RASEF: variants seen among roughly 807,000 people sequenced by gnomAD.
RASEF encodes ras and EF-hand domain-containing protein.
A neutral mutation model predicts 90.1 loss-of-function variants in RASEF; 68 were observed. That is an observed-to-expected ratio of 0.75 (90% CI 0.62 to 0.92). The LOEUF (loss-of-function observed/expected upper bound fraction) is 0.92, where lower values mean the gene tolerates loss of function less well. Ranked by LOEUF, RASEF falls within the 40% of genes least tolerant of loss-of-function variation. The pLI is 0.00. For synonymous variants in RASEF, 331 were observed against 345.2 expected, an observed-to-expected ratio of 0.96 and a Z score of 0.46; for missense variants, 949 against 937.2, an observed-to-expected ratio of 1.01 and a Z score of -0.16.
At chr9:82,987,505 C>T (rs770772597) in intron 16 of RASEF, among the ~76,000 whole-genome samples, 9 of 152,254 alleles carry the variant, frequency 5.9e-5, no homozygotes, top group African/African-American at 1.9e-4. Flanking sequence ...AAGCTAGTGT[C>T]GAAGCTTCAT....
At chr9:83,152,980 G>A in the RASEF span, among the ~76,000 whole-genome samples, 2 of 152,136 alleles carry the variant, frequency 1.3e-5, no homozygotes, top group Non-Finnish European at 2.9e-5. Flanking sequence ...GTATGGCAAT[G>A]TCTTCTACTC....
At chr9:83,218,142 A>T in the RASEF span, among the ~76,000 whole-genome samples, 534 of 152,298 alleles carry the variant, frequency 3.5e-3, 2 homozygotes, top group African/African-American at 0.012. Context: ...GATTAATAGG[A>T]GTGGGTGAAA....
At chr9:83,143,386 CAAAT>C in the RASEF span, among the ~76,000 whole-genome samples, 1 of 151,840 alleles carries the variant, frequency 6.6e-6, no homozygotes, top group African/African-American at 2.4e-5. Flanking sequence ...CAAGGAAAAA[CAAAT>C]AACCCCATTA....
At chr9:83,195,250 T>C in the RASEF span, among the ~76,000 whole-genome samples, 1 of 152,198 alleles carries the variant, frequency 6.6e-6, no homozygotes, top group Non-Finnish European at 1.5e-5. Flanking sequence ...TGGGAGGTAG[T>C]GTGAATTACC....
chr9:83,009,461 T>TA lies in RASEF; in HGVS notation c.959+179dup, dbSNP rs201586739. 8.5e-3 allele frequency among the ~76,000 whole-genome samples: 1,292 copies of TA among 152,242 alleles called. 21 individuals carry two copies. Among genetic ancestry groups the TA allele is most frequent in the African/African-American group, 0.029 (1,223 of 41,552 alleles). On this transcript the variant is annotated intron_variant, in intron 6 of 16. Transcript: ENST00000376447. Reference sequence around the variant, plus strand: ...ACAGACAATAATTATTCTATTTGCTTAAAAAATTAAAAACATAAAAAACAC... The same window carrying TA: ...ACAGACAATAATTATTCTATTTGCTTAAAAAAATTAAAAACATAAAAAACAC...
the RASEF span, among the ~76,000 whole-genome samples, chr9:83,185,490 C>A: frequency 6.6e-6 from 1 of 151,876 alleles, no homozygotes; most frequent in African/African-American, 2.4e-5. Context: ...GAAGCACAGT[C>A]AATTATCAAT....
At chr9:83,165,266 T>C in the RASEF span, among the ~76,000 whole-genome samples, 1 of 152,070 alleles carries the variant, frequency 6.6e-6, no homozygotes, top group Non-Finnish European at 1.5e-5. Flanking sequence ...CCATAGAACA[T>C]ACCTTAATAC....
At chr9:83,146,950 G>A in the RASEF span, among the ~76,000 whole-genome samples, 1 of 151,430 alleles carries the variant, frequency 6.6e-6, no homozygotes, top group African/African-American at 2.4e-5. Flanking sequence ...ACTATGCTCT[G>A]TACCTCCCAG....
At chr9:83,043,397 T>TGG (rs33937452) in intron 1 of RASEF, among the ~76,000 whole-genome samples, 5,069 of 118,912 alleles carry the variant, frequency 0.043, 121 homozygotes, top group South Asian at 0.14. Flanking sequence ...CTGCAGTGAT[T>TGG]GGGGGGGGGG....
At chr9:83,035,871 T>C (rs1829732629) in intron 1 of RASEF, among the ~76,000 whole-genome samples, 1 of 152,232 alleles carries the variant, frequency 6.6e-6, no homozygotes, top group South Asian at 2.1e-4. Flanking sequence ...TTGTCCTGTA[T>C]CCTGTCCACA....
chr9:83,145,475 G>A, the RASEF span, among the ~76,000 whole-genome samples: 1 of 151,904 alleles, frequency 6.6e-6, no homozygotes, highest in African/African-American at 2.4e-5. Flanking sequence ...TTCGTTTAGG[G>A]CCCAGTAGGG....
At chr9:83,076,347 T>G in the RASEF span, among the ~76,000 whole-genome samples, 6 of 152,072 alleles carry the variant, frequency 3.9e-5, no homozygotes, top group African/African-American at 1.4e-4. Context: ...GAATCAAGAT[T>G]CCTAATGATA....
At chr9:83,095,496 G>C in the RASEF span, among the ~76,000 whole-genome samples, 4 of 147,880 alleles carry the variant, frequency 2.7e-5, no homozygotes, top group African/African-American at 1.0e-4. Flanking sequence ...TTAGTGAGAA[G>C]GTAAACCAGA....
At chr9:82,993,118 C>T (rs917462113) in intron 14 of RASEF, 93 bp from the exon 15 acceptor site, 33 of 1,321,166 alleles carry the variant, frequency 2.5e-5, no homozygotes, top group Non-Finnish European at 1.8e-5. Context: ...ACCATTTTCC[C>T]TTTGCCTCCT....
chr9:83,167,386 A>G, the RASEF span, among the ~76,000 whole-genome samples: 2 of 145,180 alleles, frequency 1.4e-5, no homozygotes, highest in African/African-American at 5.1e-5. Flanking sequence ...TTTCAACTTG[A>G]TCTAGCAATA....
chr9:82,997,186 T>C, intron 13 of RASEF, 60 bp from the exon 14 acceptor site: 1 of 1,065,468 alleles, frequency 9.4e-7, no homozygotes, highest in Non-Finnish European at 1.5e-6. Context: ...TCTTCTCTTT[T>C]ATGCTCATTT....
chr9:83,019,347 G>A (rs961493929), intron 3 of RASEF, among the ~76,000 whole-genome samples: 3 of 151,914 alleles, frequency 2.0e-5, no homozygotes, highest in Non-Finnish European at 4.4e-5. Flanking sequence ...ATATACACAT[G>A]GCAGATAAAC....
rs1447387937 is a variant in RASEF at position 83,053,309 on chromosome 9, T to C, written c.431+9128A>G. Among the ~76,000 whole-genome samples the C allele has an allele frequency of 2.7e-5, 2 of 73,638 alleles. 1 individual carries two copies. Among genetic ancestry groups the C allele is most frequent in the Non-Finnish European group, 4.8e-5 (2 of 41,992 alleles). 48.3% of individuals were successfully genotyped at this position (73,638 alleles called of 152,430 possible). On this transcript the variant is annotated intron_variant, in intron 1 of 16. Coordinates refer to ENST00000376447, the MANE Select transcript of RASEF (RefSeq NM_152573.4). Reference sequence around the variant, plus strand: ...TTTACCATTATGTAATGGCCTTCTTTGTATCTTTTGATCTTTGTTGGTTTA... The same window carrying C: ...TTTACCATTATGTAATGGCCTTCTTCGTATCTTTTGATCTTTGTTGGTTTA...
chr9:83,020,666 A>G, intron 3 of RASEF, among the ~76,000 whole-genome samples: 1 of 152,236 alleles, frequency 6.6e-6, no homozygotes, highest in East Asian at 1.9e-4. Flanking sequence ...ACTGAAGCCA[A>G]GGAAACTAAA....
Sources: allele counts gnomAD v4.1 joint callset (sites outside exome capture counted in the v4.1 genomes callset), GRCh38; gene constraint gnomAD v4.1.1; transcripts MANE v1.5; gene names NCBI Gene and HGNC (gene_info 2026-07-23, HGNC 2026-07-21).